Variants in CACNA1H observed in about 807,000 individuals in gnomAD.
CACNA1H encodes the protein voltage-dependent T-type calcium channel subunit alpha-1H.
CACNA1H carries 149 observed loss-of-function variants against 192.5 expected under a neutral mutation model. The observed-to-expected ratio is 0.77, with a 90% CI of 0.68 to 0.89. The LOEUF (loss-of-function observed/expected upper bound fraction) is 0.89, where lower values mean the gene tolerates loss of function less well. Among genes scored for constraint, CACNA1H ranks in the 40% least tolerant of loss-of-function variants. The pLI, the probability that CACNA1H is intolerant of heterozygous loss-of-function variation, is 0.00. For missense variants in CACNA1H, 4,257 were observed against 3,423.5 expected (o/e 1.24, Z -6.08); for synonymous variants, 2,202 against 1,475.2 (o/e 1.49, Z -11.29).
intron 2 of CACNA1H, among the ~76,000 whole-genome samples, chr16:1,177,006 G>A (rs1317620784): frequency 6.6e-6 from 1 of 152,140 alleles, no homozygotes; most frequent in South Asian, 2.1e-4. Flanking sequence ...AAAGGCCTGG[G>A]CAGCCTCACT....
chr16:1,220,890 A>G lies in CACNA1H; in HGVS notation c.6958A>G (p.Lys2320Glu), dbSNP rs1485432138. Reference protein sequence around the residue: ...PPMPVGDPPEKRRGLYLTVPQ... With the variant: ...PPMPVGDPPEERRGLYLTVPQ... Reference sequence around the variant, plus strand: ...CATGCCCGTCGGTGACCCCCCAGAGAAGAGGCGGGGGCTGTACCTCACAGT... The same window carrying G: ...CATGCCCGTCGGTGACCCCCCAGAGGAGAGGCGGGGGCTGTACCTCACAGT... Residue 2320 changes from lysine to glutamate, a missense_variant, in exon 35 of 35, where the codon AAG becomes GAG. Physicochemically the swap from Lys to Glu is moderately conservative, Grantham distance 56. Coordinates refer to ENST00000348261, the MANE Select transcript of CACNA1H (RefSeq NM_021098.3). 6.2e-7 allele frequency: 1 copy of G among 1,612,034 alleles called. No individual in the cohort carries two copies. The highest frequency in any genetic ancestry group is 8.5e-7 in the Non-Finnish European group (1 of 1,179,506).
chr16:1,184,206 G>A (rs372704733), intron 2 of CACNA1H, among the ~76,000 whole-genome samples: 71 of 152,352 alleles, frequency 4.7e-4, no homozygotes, highest in Middle Eastern at 6.8e-3. Flanking sequence ...CGCATGCATG[G>A]GGCCCCTCCC....
rs530204374 is a variant in CACNA1H, at chr16:1,183,298, G to A, written c.300-11674G>A. Among the ~76,000 whole-genome samples the A allele has an allele frequency of 2.0e-5, 3 of 152,272 alleles. No homozygotes were observed. The East Asian group carries it at 5.8e-4, about 29-fold the overall frequency. ...CCCAGTTTTCCCCCAGCACAGAGGG[G>A]TTCTTAGGACCTCACCCCTTCCTGA... On this transcript the variant is annotated intron_variant, in intron 2 of 34. Coordinates refer to ENST00000348261, the MANE Select transcript of CACNA1H (RefSeq NM_021098.3).
At chr16:1,195,813 TC>T in intron 4 of CACNA1H, 112 bp from the exon 5 acceptor site, 2 of 962,192 alleles carry the variant, frequency 2.1e-6, no homozygotes, top group Non-Finnish European at 3.3e-6. Context: ...TACAAGGTCC[TC>T]CGGGTGCCGG....
rs1181877621 is a variant in CACNA1H, at chr16:1,153,539, C to CG, written c.-19+73dup. The CG allele has an allele frequency of 2.6e-5, 5 of 189,764 alleles. No individual in the cohort carries two copies. The African/African-American group carries it at 5.7e-4, about 22-fold the overall frequency. 11.8% of individuals were successfully genotyped at this position (189,764 alleles called of 1,614,324 possible). On this transcript the variant is annotated intron_variant, in intron 1 of 34. Transcript: ENST00000348261. ...GCGCGAAGCGGGCCGGGGAGCCCCT[C>CG]GGGGTGGGGGTGGGGCCGCTGGAGG... is the stretch of plus-strand genomic sequence containing the variant.
Position 1,220,082 on chromosome 16 carries a change from C to T in CACNA1H, c.6150C>T (p.Thr2050=). ...PGEKTPVRPV[T]QGGSLQSPPR... ...AGAAAACCCCGGTGAGGCCGGTGAC[C>T]CAGGGGGGCTCCCTGCAGTCCCCAC... Residue 2050 remains threonine (T), a synonymous_variant, in exon 35 of 35, where the codon ACC becomes ACT. Transcript: ENST00000348261. 1 of 1,457,652 alleles carries T rather than the reference C, an allele frequency of 6.9e-7. No individual in the cohort carries two copies. Among genetic ancestry groups the T allele is most frequent in the South Asian group, 1.6e-5 (1 of 64,030 alleles). The allele number at this position is 1,457,652 out of a possible 1,614,324, so 90.3% of individuals were successfully genotyped here.
chr16:1,182,417 G>A (rs543007906), intron 2 of CACNA1H, among the ~76,000 whole-genome samples: 1 of 152,302 alleles, frequency 6.6e-6, no homozygotes, highest in South Asian at 2.1e-4. Flanking sequence ...TGTGGTGGGT[G>A]TGGGCTCCCC....
At chr16:1,182,345 C>T (rs975148918) in intron 2 of CACNA1H, among the ~76,000 whole-genome samples, 45 of 152,268 alleles carry the variant, frequency 3.0e-4, no homozygotes, top group African/African-American at 1.1e-3. Context: ...TGGAATGTTC[C>T]GGCAGCCGGG....
chr16:1,199,859 C>G (rs1176979850), intron 6 of CACNA1H, among the ~76,000 whole-genome samples: 2 of 152,104 alleles, frequency 1.3e-5, no homozygotes, highest in African/African-American at 4.8e-5. Context: ...CCCTTTGCCC[C>G]TCATCCGCTT....
At chr16:1,218,082 C>T (rs947037572) in intron 32 of CACNA1H, 42 bp downstream of exon 32, 3 of 1,579,288 alleles carry the variant, frequency 1.9e-6, no homozygotes, top group Non-Finnish European at 1.7e-6. Context: ...GCAGCCCCAG[C>T]GGTTTTTCAG....
rs753602746 is a variant in CACNA1H, at chr16:1,200,621, G to A, written c.1119+50G>A. ...GGACCCTGGGGCACGGCAGGGGAGC[G>A]GGTGCAGGACTCGCCCCCCCCAGCC... is the stretch of plus-strand genomic sequence containing the variant. On this transcript the variant is annotated intron_variant, in intron 7 of 34. Coordinates refer to ENST00000348261, the MANE Select transcript of CACNA1H (RefSeq NM_021098.3). 70 of 1,601,958 alleles carry A rather than the reference G, an allele frequency of 4.4e-5. No homozygotes were observed. In the African/African-American group the frequency reaches 6.1e-4, roughly 14 times the overall value.
At chr16:1,212,485 C>G in intron 25 of CACNA1H, 26 bp from the exon 26 acceptor site, 2 of 1,608,950 alleles carry the variant, frequency 1.2e-6, no homozygotes, top group Non-Finnish European at 1.7e-6. Context: ...GCCCTCGGCC[C>G]TCAGACCATC....
intron 22 of CACNA1H, 76 bp from the exon 23 acceptor site, chr16:1,211,405 C>T: frequency 2.5e-6 from 4 of 1,607,466 alleles, no homozygotes; most frequent in Non-Finnish European, 3.4e-6. Flanking sequence ...GCTCGGGCCT[C>T]ACTCGCGCCC....
chr16:1,202,855 C>G (rs1464222905), intron 9 of CACNA1H, among the ~76,000 whole-genome samples: 1 of 152,052 alleles, frequency 6.6e-6, no homozygotes, highest in African/African-American at 2.4e-5. Flanking sequence ...GGCCCCCCTT[C>G]TAGGTGGGGA....
Position 1,198,860 on chromosome 16 carries a change from ACGTGGCTCTGCCCAC to A in CACNA1H, c.803+91_803+105del. The A allele has an allele frequency of 3.0e-6, 4 of 1,345,394 alleles. No individual in the cohort carries two copies. In the South Asian group the frequency reaches 5.5e-5, roughly 18 times the overall value. The allele number at this position is 1,345,394 out of a possible 1,614,324, so 83.3% of individuals were successfully genotyped here. On this transcript the variant is annotated intron_variant, in intron 6 of 34. Transcript: ENST00000348261. Reference sequence around the variant, plus strand: ...ACGCACCATGTGGCTCCACCGCCCCACGTGGCTCTGCCCACCGTGCAGTCACCCGCCCCGCCACTG... The same window carrying A: ...ACGCACCATGTGGCTCCACCGCCCCACGTGCAGTCACCCGCCCCGCCACTG...
Position 1,194,967 on chromosome 16 carries a change from G to T in CACNA1H, c.300-5G>T. 1 of 1,607,382 alleles carries T rather than the reference G, an allele frequency of 6.2e-7. No individual in the cohort carries two copies. On this transcript the variant is annotated splice_region_variant and splice_polypyrimidine_tract_variant and intron_variant, in intron 2 of 34. Transcript: ENST00000348261. ...GCCGGTGTGCTCCTTAACCCGCGGC[G>T]ACACATGGTTCGAGCACGTGAGCAT... is the stretch of plus-strand genomic sequence containing the variant.
intron 5 of CACNA1H, among the ~76,000 whole-genome samples, chr16:1,196,491 C>G (rs760663586): frequency 6.6e-6 from 1 of 152,192 alleles, no homozygotes; most frequent in Non-Finnish European, 1.5e-5. Context: ...GACACCTGTC[C>G]TGAGGACACC....
Position 1,202,167 on chromosome 16 carries a change from C to T in CACNA1H, c.1717C>T (p.His573Tyr), listed in dbSNP as rs1391744265. 4.5e-6 allele frequency: 7 copies of T among 1,551,902 alleles called. No homozygotes were observed. Among genetic ancestry groups the T allele is most frequent in the African/African-American group, 1.4e-5 (1 of 73,110 alleles). ...GRGPPDAESV[H>Y]SIYHADCHIE... ...CGGACCCCCCGACGCAGAGTCTGTG[C>T]ACAGCATCTACCATGCCGACTGCCA... The change falls in exon 9 of 35, where the codon CAC becomes TAC. Residue 573 changes from histidine to tyrosine, a missense_variant. His to Tyr is a moderately conservative substitution (Grantham distance 83). Coordinates refer to ENST00000348261, the MANE Select transcript of CACNA1H (RefSeq NM_021098.3).
intron 2 of CACNA1H, among the ~76,000 whole-genome samples, chr16:1,182,976 C>T (rs544972239): frequency 2.0e-5 from 3 of 152,090 alleles, no homozygotes; most frequent in Non-Finnish European, 4.4e-5. Context: ...GCCCACCTGT[C>T]CCATCTCTGG....
Sources: gnomAD v4.1 joint callset for allele counts (sites outside exome capture counted in the v4.1 genomes callset) on GRCh38, gnomAD v4.1.1 for gene constraint, MANE v1.5 for transcripts, NCBI Gene and HGNC (gene_info 2026-07-23, HGNC 2026-07-21) for gene names.